RPN2: variants seen among roughly 807,000 people sequenced by gnomAD.
The protein encoded by RPN2 is ribophorin II.
Under a neutral mutation model 71.4 loss-of-function variants are expected in RPN2, and 29 were observed. The ratio of observed to expected loss-of-function variants is 0.41; its 90% CI spans 0.30 to 0.55. The LOEUF (loss-of-function observed/expected upper bound fraction) is 0.55, where lower values mean the gene tolerates loss of function less well. RPN2 is among the 20% of genes least tolerant of loss of function. The pLI, the probability that RPN2 is intolerant of heterozygous loss-of-function variation, is 0.35. For missense variants in RPN2, 726 were observed against 774.1 expected (o/e 0.94, Z 0.74); for synonymous variants, 308 against 305.0 (o/e 1.01, Z -0.10).
chr20:37,221,836 A>G (rs1318700924), intron 9 of RPN2, among the ~76,000 whole-genome samples: 2 of 152,128 alleles, frequency 1.3e-5, no homozygotes, highest in Non-Finnish European at 2.9e-5. Context: ...CCTACTCCCC[A>G]TTTGGGGCCA....
At chr20:37,205,271 C>T (rs564167083) in intron 6 of RPN2, among the ~76,000 whole-genome samples, 10 of 152,078 alleles carry the variant, frequency 6.6e-5, no homozygotes, top group Non-Finnish European at 1.3e-4. Flanking sequence ...TCTCTGGGCT[C>T]ACAATTGCTT....
intron 10 of RPN2, among the ~76,000 whole-genome samples, chr20:37,225,372 G>A (rs988405563): frequency 1.2e-4 from 18 of 152,214 alleles, no homozygotes; most frequent in Admixed American, 3.3e-4. Flanking sequence ...GAGGCCACAC[G>A]TGAGCTCCTC....
chr20:37,239,219 C>T (rs2068486302), intron 16 of RPN2, among the ~76,000 whole-genome samples: 1 of 152,208 alleles, frequency 6.6e-6, no homozygotes, highest in African/African-American at 2.4e-5. Context: ...AACTACTCAA[C>T]TCTGTCACTG....
chr20:37,187,733 C>A (rs1012424054), intron 2 of RPN2, among the ~76,000 whole-genome samples: 1 of 151,786 alleles, frequency 6.6e-6, no homozygotes, highest in Non-Finnish European at 1.5e-5. Context: ...CTCTGCCTCC[C>A]GGGTTCAAGT....
At chr20:37,187,628 A>G (rs2067038981) in intron 2 of RPN2, among the ~76,000 whole-genome samples, 3 of 147,326 alleles carry the variant, frequency 2.0e-5, no homozygotes, top group Admixed American at 1.3e-4. Context: ...TCTTATTTTT[A>G]TATTTTATTT....
chr20:37,200,325 G>A (rs954401879), intron 4 of RPN2: 18 of 352,796 alleles, frequency 5.1e-5, no homozygotes, highest in Non-Finnish European at 1.7e-5. Context: ...TGGAGATGGG[G>A]CCTGTCTGTG....
chr20:37,196,430 T>C (rs2067258820), intron 2 of RPN2, among the ~76,000 whole-genome samples: 1 of 152,148 alleles, frequency 6.6e-6, no homozygotes, highest in Admixed American at 6.5e-5. Flanking sequence ...AGATGGGGTT[T>C]CACCGTGTTA....
intron 5 of RPN2, among the ~76,000 whole-genome samples, 180 bp downstream of exon 5, chr20:37,204,140 A>G (rs929656588): frequency 5.9e-5 from 9 of 152,198 alleles, no homozygotes; most frequent in African/African-American, 1.9e-4. Context: ...CCTATTACAT[A>G]ATAGGTCCTC....
Position 37,241,549 on chromosome 20 carries a change from C to T in RPN2, c.*234C>T, listed in dbSNP as rs575988254. 5 of 587,334 alleles carry T rather than the reference C, an allele frequency of 8.5e-6. No homozygotes were observed. Among genetic ancestry groups the T allele is most frequent in the Non-Finnish European group, 1.5e-5 (5 of 327,160 alleles). The allele number at this position is 587,334 out of a possible 1,614,324, so 36.4% of individuals were successfully genotyped here. ...TGTAAGAAGCTGTGAATATTCCTAACTTACCCAGATGTTGCTTTTGAAAAG... is the reference window on the plus strand; with the variant it reads ...TGTAAGAAGCTGTGAATATTCCTAATTTACCCAGATGTTGCTTTTGAAAAG... On this transcript the variant is annotated 3_prime_UTR_variant, in exon 17 of 17. Transcript: ENST00000237530.
chr20:37,199,406 C>G (rs2067330137), intron 4 of RPN2, among the ~76,000 whole-genome samples, 181 bp downstream of exon 4: 9 of 152,236 alleles, frequency 5.9e-5, no homozygotes, highest in Admixed American at 5.9e-4. Context: ...AGGTCCGTGT[C>G]CTCGTGGAGC....
chr20:37,182,140 C>G (rs928231363), intron 1 of RPN2, among the ~76,000 whole-genome samples: 16 of 152,066 alleles, frequency 1.1e-4, no homozygotes, highest in Non-Finnish European at 1.9e-4. Context: ...GTCACCCAGG[C>G]TGGAGTGCAG....
chr20:37,239,585 G>A (rs1291443558), intron 16 of RPN2, among the ~76,000 whole-genome samples: 1 of 150,176 alleles, frequency 6.7e-6, no homozygotes, highest in Non-Finnish European at 1.5e-5. Context: ...TTGTTTGTTT[G>A]TTTGTTTGTT....
chr20:37,238,374 G>A (rs1342483455), intron 16 of RPN2: 3 of 1,591,204 alleles, frequency 1.9e-6, no homozygotes, highest in Non-Finnish European at 1.7e-6. Flanking sequence ...GTCCTTTCTT[G>A]ATTCTCAAAC....
intron 8 of RPN2, among the ~76,000 whole-genome samples, chr20:37,211,956 T>C (rs2067682731): frequency 6.6e-6 from 1 of 152,100 alleles, no homozygotes; most frequent in Admixed American, 6.5e-5. Flanking sequence ...CAGGCTGGTC[T>C]TGAACTGCCT....
At chr20:37,239,906 C>G (rs767731615) in intron 16 of RPN2, among the ~76,000 whole-genome samples, 1 of 152,172 alleles carries the variant, frequency 6.6e-6, no homozygotes, top group Non-Finnish European at 1.5e-5. Context: ...TTAAATAAGT[C>G]GATTTCTTTT....
At chr20:37,237,495 T>C (rs1024825524) in intron 16 of RPN2, among the ~76,000 whole-genome samples, 2 of 152,218 alleles carry the variant, frequency 1.3e-5, no homozygotes, top group Non-Finnish European at 2.9e-5. Flanking sequence ...CTCAATAGTG[T>C]ACCCTCAACG....
intron 10 of RPN2, among the ~76,000 whole-genome samples, chr20:37,224,643 G>A (rs2068037590): frequency 6.6e-6 from 1 of 152,188 alleles, no homozygotes; most frequent in African/African-American, 2.4e-5. Flanking sequence ...GGGCCAGAAT[G>A]CTGTAAGAAG....
chr20:37,241,246 C>T, intron 16 of RPN2, 57 bp from the exon 17 acceptor site: 4 of 1,602,486 alleles, frequency 2.5e-6, no homozygotes, highest in South Asian at 1.1e-5. Flanking sequence ...CAGTTAGGAA[C>T]TGTAACTGTG....
chr20:37,185,363 C>G (rs1190369087), intron 2 of RPN2, among the ~76,000 whole-genome samples: 2 of 152,096 alleles, frequency 1.3e-5, no homozygotes, highest in Non-Finnish European at 2.9e-5. Context: ...TCTTAAACTC[C>G]TGGGCTCAAG....
Sources: allele counts gnomAD v4.1 joint callset (sites outside exome capture counted in the v4.1 genomes callset), GRCh38; gene constraint gnomAD v4.1.1; transcripts MANE v1.5; gene names NCBI Gene and HGNC (gene_info 2026-07-23, HGNC 2026-07-21).